Variants in EGFLAM observed in about 807,000 individuals in gnomAD.
EGFLAM encodes the protein EGF like, fibronectin type III and laminin G domains, also known as pikachurin.
EGFLAM carries 79 observed loss-of-function variants against 113.1 expected under a neutral mutation model. The ratio of observed to expected loss-of-function variants is 0.70; its 90% confidence interval spans 0.58 to 0.84. EGFLAM has a LOEUF of 0.84. EGFLAM is among the 40% of genes least tolerant of loss of function. The pLI is 0.00. For synonymous variants in EGFLAM, 504 were observed against 487.6 expected (o/e 1.03, Z -0.44); for missense variants, 1,265 against 1,291.6 (o/e 0.98, Z 0.32).
At chr5:38,419,376 A>T (rs754014043) in intron 12 of EGFLAM, among the ~76,000 whole-genome samples, 1 of 152,112 alleles carries the variant, frequency 6.6e-6, no homozygotes, top group African/African-American at 2.4e-5. Flanking sequence ...TCACATCCTC[A>T]TGACTTTGTC....
chr5:38,269,218 C>T (rs1026124353), intron 1 of EGFLAM, among the ~76,000 whole-genome samples: 4 of 152,102 alleles, frequency 2.6e-5, no homozygotes, highest in Non-Finnish European at 4.4e-5. Context: ...ACCAAAAATT[C>T]ACTACCCAGT....
chr5:38,380,275 T>C (rs372626682), intron 6 of EGFLAM, among the ~76,000 whole-genome samples: 1 of 152,254 alleles, frequency 6.6e-6, no homozygotes, highest in Non-Finnish European at 1.5e-5. Context: ...CCCTTTTAGA[T>C]AGCAATTTTG....
intron 1 of EGFLAM, among the ~76,000 whole-genome samples, chr5:38,289,805 G>A (rs1367231719): frequency 6.6e-6 from 1 of 152,182 alleles, no homozygotes; most frequent in African/African-American, 2.4e-5. Context: ...TTTCTCCAAA[G>A]AAGGCCAAGG....
rs1355671091 is a variant in EGFLAM at position 38,412,639 on chromosome 5, C to T, written c.1485C>T (p.Gly495=). 2 of 1,613,726 alleles carry T rather than the reference C, an allele frequency of 1.2e-6. No homozygotes were observed. The highest frequency in any genetic ancestry group is 1.7e-5 in the Admixed American group (1 of 59,986). ...LQLNNGTPVT[G]QSQGQYSKIT... Reference sequence around the variant, plus strand: ...TGAACAATGGCACCCCAGTGACAGGCCAGTCTCAGGTATGTATGAGCCCCA... The same window carrying T: ...TGAACAATGGCACCCCAGTGACAGGTCAGTCTCAGGTATGTATGAGCCCCA... Residue 495 remains glycine, a synonymous_variant, in exon 11 of 22, where the codon GGC becomes GGT. Transcript: ENST00000322350.
chr5:38,264,824 A>G (rs905842363), intron 1 of EGFLAM, among the ~76,000 whole-genome samples: 1 of 152,064 alleles, frequency 6.6e-6, no homozygotes. Context: ...GGTGCTAGGG[A>G]CCTAGCACAC....
chr5:38,344,551 T>G (rs1579799433), intron 3 of EGFLAM, among the ~76,000 whole-genome samples: 1 of 152,022 alleles, frequency 6.6e-6, no homozygotes, highest in East Asian at 1.9e-4. Flanking sequence ...CCCAGGTTGC[T>G]TTTGTATATT....
intron 6 of EGFLAM, among the ~76,000 whole-genome samples, chr5:38,375,322 T>A (rs1156800891): frequency 6.6e-6 from 1 of 152,224 alleles, no homozygotes; most frequent in African/African-American, 2.4e-5. Context: ...TCTCCACTTG[T>A]GAGGTCAGAA....
chr5:38,422,195 G>A lies in EGFLAM; in HGVS notation c.1685-2772G>A, dbSNP rs147698048. ...GAGTCTTATTTCTCTTCTACCTCTC[G>A]CTTTCTTATCTAGCAGAAACCTACA... On this transcript the variant is annotated intron_variant, in intron 12 of 21. Coordinates refer to ENST00000322350, the MANE Select transcript of EGFLAM (RefSeq NM_152403.4). Among the ~76,000 whole-genome samples, 8 of 152,036 alleles carry A rather than the reference G, an allele frequency of 5.3e-5. No homozygotes were observed. The East Asian group carries it at 7.7e-4, about 15-fold the overall frequency.
At chr5:38,387,775 G>A (rs182433392) in intron 6 of EGFLAM, among the ~76,000 whole-genome samples, 2 of 152,320 alleles carry the variant, frequency 1.3e-5, no homozygotes, top group Non-Finnish European at 2.9e-5. Context: ...TTTCGAAAAC[G>A]TTTCTTGGAC....
chr5:38,458,543 C>A (rs117982734), intron 20 of EGFLAM, 149 bp downstream of exon 20: 5 of 697,480 alleles, frequency 7.2e-6, no homozygotes, highest in Non-Finnish European at 1.2e-5. Flanking sequence ...GAATTTTCTA[C>A]CAATTCCCGC....
At chr5:38,319,369 T>C (rs1188880259) in intron 1 of EGFLAM, among the ~76,000 whole-genome samples, 1 of 152,198 alleles carries the variant, frequency 6.6e-6, no homozygotes, top group Non-Finnish European at 1.5e-5. Context: ...GATGGGAGGC[T>C]GGATACAGTC....
At chr5:38,366,724 A>C (rs1333064293) in intron 5 of EGFLAM, among the ~76,000 whole-genome samples, 2 of 152,210 alleles carry the variant, frequency 1.3e-5, no homozygotes, top group Non-Finnish European at 2.9e-5. Flanking sequence ...GTGACTCTCA[A>C]AGCTTTTGGG....
chr5:38,341,955 C>G (rs1169410897), intron 3 of EGFLAM, among the ~76,000 whole-genome samples: 1 of 149,688 alleles, frequency 6.7e-6, no homozygotes, highest in African/African-American at 2.5e-5. Context: ...TCTGTTTTTT[C>G]CTCTCTCCAG....
At chr5:38,359,762 C>T (rs1195563810) in intron 5 of EGFLAM, among the ~76,000 whole-genome samples, 1 of 152,198 alleles carries the variant, frequency 6.6e-6, no homozygotes, top group African/African-American at 2.4e-5. Flanking sequence ...GGACTCGGGT[C>T]AAGAAACGTT....
At chr5:38,382,765 A>G (rs1406846650) in intron 6 of EGFLAM, among the ~76,000 whole-genome samples, 1 of 152,188 alleles carries the variant, frequency 6.6e-6, no homozygotes, top group African/African-American at 2.4e-5. Context: ...CCAATTGGAA[A>G]TTTTTGGTGG....
intron 19 of EGFLAM, among the ~76,000 whole-genome samples, chr5:38,456,441 A>G (rs1332766868): frequency 6.6e-6 from 1 of 152,198 alleles, no homozygotes; most frequent in Non-Finnish European, 1.5e-5. Flanking sequence ...TATTCATTCA[A>G]GAAGTATTTA....
chr5:38,452,960 A>G (rs1162609198), intron 19 of EGFLAM, among the ~76,000 whole-genome samples: 1 of 152,172 alleles, frequency 6.6e-6, no homozygotes, highest in Non-Finnish European at 1.5e-5. Flanking sequence ...GTCTCGTGTA[A>G]TATCAAAACA....
chr5:38,453,720 C>G (rs1466979684), intron 19 of EGFLAM, among the ~76,000 whole-genome samples: 1 of 152,126 alleles, frequency 6.6e-6, no homozygotes, highest in Admixed American at 6.5e-5. Context: ...TGTGGTTAAC[C>G]TCATCAAGGC....
chr5:38,445,850 C>A, intron 17 of EGFLAM: 1 of 872,176 alleles, frequency 1.1e-6, no homozygotes, highest in Non-Finnish European at 1.9e-6. Context: ...AGCCAGAGGA[C>A]ACTTCTCTCC....
Sources: gnomAD v4.1 joint callset for allele counts (sites outside exome capture counted in the v4.1 genomes callset) on GRCh38, gnomAD v4.1.1 for gene constraint, MANE v1.5 for transcripts, NCBI Gene and HGNC (gene_info 2026-07-23, HGNC 2026-07-21) for gene names.